S1PR3: variants seen among roughly 807,000 people sequenced by gnomAD.
S1PR3 encodes the protein sphingosine-1-phosphate receptor 3.
A neutral mutation model predicts 13.3 loss-of-function variants in S1PR3; 12 were observed. That is an observed-to-expected ratio of 0.90 (90% CI 0.58 to 1.46). S1PR3 has a LOEUF of 1.46. S1PR3 is among the 40% of genes most tolerant of loss of function. The probability of loss-of-function intolerance (pLI) is 0.00; values close to 1 mark genes in which losing one functional copy is unlikely to be tolerated. For synonymous variants in S1PR3, 232 were observed against 214.0 expected, an observed-to-expected ratio of 1.08 and a Z score of -0.73; for missense variants, 450 against 501.9, an observed-to-expected ratio of 0.90 and a Z score of 0.99.
intron 1 of S1PR3, chr9:88,996,943 T>C (rs1359444179): frequency 6.6e-6 from 1 of 152,192 alleles, no homozygotes; most frequent in Admixed American, 6.5e-5. Flanking sequence ...GGAACTCTTG[T>C]CCATGAGATG....
rs1235657108 is a variant in S1PR3 at position 89,001,615 on chromosome 9, A to G, written c.415A>G (p.Thr139Ala). 9 of 1,614,078 alleles carry G rather than the reference A, an allele frequency of 5.6e-6. No homozygotes were observed. Among genetic ancestry groups the G allele is most frequent in the Non-Finnish European group, 7.6e-6 (9 of 1,180,058 alleles). ...LLAIAIERHL[T>A]MIKMRPYDAN... ...GGCCATCGCCATCGAGCGGCACTTG[A>G]CAATGATCAAAATGAGGCCTTACGA... is the stretch of plus-strand genomic sequence containing the variant. Residue 139 changes from threonine (T) to alanine (A), a missense_variant, in exon 2 of 2, where the codon ACA becomes GCA. By Grantham distance (58) the Thr-to-Ala change is moderately conservative (BLOSUM62 0). Coordinates refer to ENST00000358157, the MANE Select transcript of S1PR3 (RefSeq NM_005226.4).
In S1PR3 at chr9:89,001,050, G is replaced by A; in HGVS notation, c.-147-4G>A. On this transcript the variant is annotated splice_polypyrimidine_tract_variant and splice_region_variant and intron_variant, in intron 1 of 1. Transcript: ENST00000358157. ...GGTCGCTCCCTCTTTTTATCTGTTGGCAGGAGCCCTTTTTCAACGCCCTCG... is the reference window on the plus strand; with the variant it reads ...GGTCGCTCCCTCTTTTTATCTGTTGACAGGAGCCCTTTTTCAACGCCCTCG... 1 of 820,508 alleles carries A rather than the reference G, an allele frequency of 1.2e-6. No individual in the cohort carries two copies. Among genetic ancestry groups the A allele is most frequent in the East Asian group, 2.5e-5 (1 of 40,110 alleles). The allele number at this position is 820,508 out of a possible 1,614,324, so 50.8% of individuals were successfully genotyped here.
At chr9:88,990,963 G>A (rs2118565530), upstream of S1PR3, 1 of 1,610,568 alleles carries the variant, frequency 6.2e-7, no homozygotes, top group Non-Finnish European at 8.5e-7. Flanking sequence ...CCACCTGCAA[G>A]CCCAAGCCGG....
chr9:89,001,709 C>T lies in S1PR3; in HGVS notation c.509C>T (p.Ala170Val), dbSNP rs1440322337. The T allele has an allele frequency of 1.9e-6, 3 of 1,614,110 alleles. No individual in the cohort carries two copies. The highest frequency in any genetic ancestry group is 3.3e-5 in the Admixed American group (2 of 60,012). ...TGGCTCATTGCCTTCACGCTGGGCG[C>T]CCTGCCCATTCTGGGCTGGAACTGC... Reference protein sequence around the residue: ...MCWLIAFTLGALPILGWNCLH... With the variant: ...MCWLIAFTLGVLPILGWNCLH... The change falls in exon 2 of 2, where the codon GCC becomes GTC. Residue 170 changes from alanine to valine, a missense_variant. Coordinates refer to ENST00000358157, the MANE Select transcript of S1PR3 (RefSeq NM_005226.4).
At position 89,002,381 on chromosome 9, in the gene S1PR3, G is replaced by T. The variant is rs1054066374; in HGVS notation, c.*44G>T. ...CTCTGCGGCTGTGTTCTTATTTATT[G>T]CATGCGTCGCTTCCACAGGGGCCCC... On this transcript the variant is annotated 3_prime_UTR_variant, in exon 2 of 2. Coordinates refer to ENST00000358157, the MANE Select transcript of S1PR3 (RefSeq NM_005226.4). 1.3e-6 allele frequency: 2 copies of T among 1,583,600 alleles called. No individual in the cohort carries two copies. Among genetic ancestry groups the T allele is most frequent in the Non-Finnish European group, 1.7e-6 (2 of 1,162,910 alleles).
intron 1 of S1PR3, chr9:89,000,722 C>T (rs909020054): frequency 6.2e-6 from 1 of 162,304 alleles, no homozygotes; most frequent in Non-Finnish European, 1.4e-5. Flanking sequence ...CACCAGCTCC[C>T]ATGCCCTAGA....
upstream of S1PR3, chr9:88,991,435 G>A: frequency 1.3e-6 from 2 of 1,539,832 alleles, no homozygotes; most frequent in Middle Eastern, 2.1e-4. The surrounding 1 kb of genome is among the most constrained non-coding windows in gnomAD (Gnocchi z 4.0). Context: ...CCGGCGGGCC[G>A]CTGGAAAAGT....
In S1PR3 at chr9:89,001,039, T is replaced by C. The variant is rs1825859860; in HGVS notation, c.-147-15T>C. The C allele has an allele frequency of 1.3e-6, 1 of 750,008 alleles. No homozygotes were observed. The highest frequency in any genetic ancestry group is 1.7e-5 in the African/African-American group (1 of 57,178). The allele number at this position is 750,008 out of a possible 1,614,324, so 46.5% of individuals were successfully genotyped here. A position where few individuals can be genotyped will look rare whatever the true frequency, so the allele number is the denominator to read the frequency against. The stretch of plus-strand genomic sequence containing the variant: ...GTTTTATCAATGGTCGCTCCCTCTT[T>C]TTATCTGTTGGCAGGAGCCCTTTTT... On this transcript the variant is annotated splice_polypyrimidine_tract_variant and intron_variant, in intron 1 of 1. Transcript: ENST00000358157.
chr9:88,995,386 C>T (rs1026499283), intron 1 of S1PR3: 3 of 166,958 alleles, frequency 1.8e-5, no homozygotes, highest in South Asian at 2.1e-4. Context: ...GAAAGCGAAT[C>T]GCTAGTATAG....
chr9:88,991,277 G>T, upstream of S1PR3: 1 of 1,537,346 alleles, frequency 6.5e-7, no homozygotes, highest in South Asian at 1.2e-5. The surrounding 1 kb of genome is among the most constrained non-coding windows in gnomAD (Gnocchi z 4.0). Flanking sequence ...GCTAGGGGCG[G>T]GCGGGGCGCA....
At position 89,001,125 on chromosome 9, in the gene S1PR3, C is replaced by A; in HGVS notation, c.-76C>A. On this transcript the variant is annotated 5_prime_UTR_variant, in exon 2 of 2. Transcript: ENST00000358157. ...CTGAATGAAGCCGGAACCTCAGCCC[C>A]GCTTCCCTTTGAAATGAATGTTCCT... is the stretch of plus-strand genomic sequence containing the variant. 5.2e-6 allele frequency: 8 copies of A among 1,529,722 alleles called. No homozygotes were observed. The highest frequency in any genetic ancestry group is 1.2e-5 in the South Asian group (1 of 80,676). The allele number at this position is 1,529,722 out of a possible 1,614,324, so 94.8% of individuals were successfully genotyped here. A position where few individuals can be genotyped will look rare whatever the true frequency, so the allele number is the denominator to read the frequency against.
At chr9:88,996,581 A>T (rs1203756496) in intron 1 of S1PR3, 1 of 152,244 alleles carries the variant, frequency 6.6e-6, no homozygotes, top group South Asian at 2.1e-4. Context: ...AGCAGGCTAA[A>T]CTCACCTAGG....
In S1PR3 at chr9:89,002,324, T is replaced by C. The variant is rs1825880185; in HGVS notation, c.1124T>C (p.Ile375Thr). 6.2e-7 allele frequency: 1 copy of C among 1,613,880 alleles called. No individual in the cohort carries two copies. The highest frequency in any genetic ancestry group is 8.5e-7 in the Non-Finnish European group (1 of 1,179,858). The change falls in exon 2 of 2, where the codon ATC becomes ACC. Residue 375 changes from isoleucine (I) to threonine (T), a missense_variant. Ile to Thr is a moderately conservative substitution (Grantham distance 89, BLOSUM62 -1). Coordinates refer to ENST00000358157, the MANE Select transcript of S1PR3 (RefSeq NM_005226.4). ...MDKNAALQNG[I>T]FCN Reference sequence around the variant, plus strand: ...AAGAACGCAGCACTTCAGAATGGGATCTTCTGCAACTGATCGTCTCCATGC... The same window carrying C: ...AAGAACGCAGCACTTCAGAATGGGACCTTCTGCAACTGATCGTCTCCATGC...
Position 89,001,686 on chromosome 9 carries a change from G to A in S1PR3, c.486G>A (p.Trp162Ter). The A allele has an allele frequency of 1.2e-6, 2 of 1,614,160 alleles. 1 individual carries two copies. The highest frequency in any genetic ancestry group is 2.2e-5 in the South Asian group (2 of 91,088). Residue 162 changes from tryptophan (W) to a stop codon, truncating the protein, a stop_gained, in exon 2 of 2, where the codon TGG (tryptophan) becomes TGA (stop). Transcript: ENST00000358157. LOFTEE classifies it high-confidence loss of function. ...TCTTCCTCCTGATCGGGATGTGCTGGCTCATTGCCTTCACGCTGGGCGCCC... is the reference window on the plus strand; with the variant it reads ...TCTTCCTCCTGATCGGGATGTGCTGACTCATTGCCTTCACGCTGGGCGCCC... ...HRVFLLIGMC[W>*]LIAFTLGALP...
chr9:89,002,636 G>A lies in S1PR3; in HGVS notation c.*299G>A, dbSNP rs762152917. ...CTGTTGTTCACAGAGAGGGAAGGTC[G>A]TGGGCCACACAATGCTGTGTGACCC... On this transcript the variant is annotated 3_prime_UTR_variant, in exon 2 of 2. Coordinates refer to ENST00000358157, the MANE Select transcript of S1PR3 (RefSeq NM_005226.4). The A allele has an allele frequency of 8.6e-6, 4 of 465,636 alleles. No homozygotes were observed. Among genetic ancestry groups the A allele is most frequent in the East Asian group, 3.9e-5 (1 of 25,588 alleles). The allele number at this position is 465,636 out of a possible 1,614,324, so 28.8% of individuals were successfully genotyped here. A position where few individuals can be genotyped will look rare whatever the true frequency, so the allele number is the denominator to read the frequency against.
chr9:88,990,977 T>C (rs1433369808), upstream of S1PR3: 20 of 1,611,968 alleles, frequency 1.2e-5, no homozygotes, highest in Non-Finnish European at 1.4e-5. Context: ...AAGCCGGTGC[T>C]CGGCCAGTTA....
In S1PR3 at chr9:88,992,069, T is replaced by G. The variant is rs920148927; in HGVS notation, c.-148+374T>G. ...GTGGTCGTTAGCCTGGGAAAATCAT[T>G]CTTTTAAACAATATTCGCCGGAAAA... On this transcript the variant is annotated intron_variant, in intron 1 of 1. Transcript: ENST00000358157. The G allele has an allele frequency of 3.2e-5, 51 of 1,569,462 alleles. No individual in the cohort carries two copies. In the African/African-American group the frequency reaches 6.4e-4, roughly 20 times the overall value.
chr9:88,993,140 G>T (rs888857250), intron 1 of S1PR3: 2 of 152,570 alleles, frequency 1.3e-5, no homozygotes, highest in East Asian at 3.8e-4. Context: ...TATACAAAGG[G>T]TAGAGACTAC....
upstream of S1PR3, chr9:88,991,467 C>G (rs1484003378): frequency 1.9e-6 from 3 of 1,547,052 alleles, no homozygotes; most frequent in Non-Finnish European, 2.6e-6. The surrounding 1 kb of genome is among the most constrained non-coding windows in gnomAD (Gnocchi z 4.0). Context: ...CTCGCTCGGG[C>G]AGAGGCCGAG....
Sources: allele counts gnomAD v4.1 joint callset, GRCh38; gene constraint gnomAD v4.1.1; non-coding constraint Gnocchi (gnomAD v3.1); transcripts MANE v1.5; gene names NCBI Gene and HGNC (gene_info 2026-07-23, HGNC 2026-07-21).